HSF2BP: variants seen among roughly 807,000 people sequenced by gnomAD.
HSF2BP encodes the protein heat shock transcription factor 2 binding protein, also known as heat shock factor 2-binding protein.
Under a neutral mutation model 35.0 loss-of-function variants are expected in HSF2BP, and 35 were observed. The ratio of observed to expected loss-of-function variants is 1.00; its 90% CI spans 0.76 to 1.32. HSF2BP has a LOEUF of 1.32. Ranked by LOEUF, HSF2BP falls within the 40% of genes most tolerant of loss-of-function variation. HSF2BP has a pLI of 0.00. For missense variants in HSF2BP, 326 were observed against 321.7 expected, an observed-to-expected ratio of 1.01 and a Z score of -0.10; for synonymous variants, 114 against 117.4, an observed-to-expected ratio of 0.97 and a Z score of 0.18.
At chr21:43,620,112 C>T (rs1036420982) in intron 6 of HSF2BP, among the ~76,000 whole-genome samples, 1 of 152,140 alleles carries the variant, frequency 6.6e-6, no homozygotes, top group African/African-American at 2.4e-5. Context: ...TCTAAGTAAA[C>T]ATATCCAATA....
Position 43,633,259 on chromosome 21 carries a change from T to C in HSF2BP, c.441+13A>G. The C allele has an allele frequency of 6.2e-7, 1 of 1,607,274 alleles. No individual in the cohort carries two copies. The highest frequency in any genetic ancestry group is 8.5e-7 in the Non-Finnish European group (1 of 1,178,168). ...AATCAACAATATCTGGAGAGCCCAC[T>C]GACCATACTTACTCCTCCCAAAATG... On this transcript the variant is annotated intron_variant, in intron 5 of 8. Coordinates refer to ENST00000291560, the MANE Select transcript of HSF2BP (RefSeq NM_007031.2).
chr21:43,648,794 T>TA (rs1366175012), intron 3 of HSF2BP, among the ~76,000 whole-genome samples: 1 of 152,230 alleles, frequency 6.6e-6, no homozygotes, highest in Non-Finnish European at 1.5e-5. Context: ...AATCTCAAAA[T>TA]ATCCTACACT....
At chr21:43,578,098 C>T (rs183722932) in intron 8 of HSF2BP, among the ~76,000 whole-genome samples, 239 of 152,326 alleles carry the variant, frequency 1.6e-3, no homozygotes, top group Non-Finnish European at 2.9e-3. Flanking sequence ...GGTGGACTCT[C>T]TTCACACGAA....
intron 7 of HSF2BP, among the ~76,000 whole-genome samples, chr21:43,595,391 G>A (rs1054613424): frequency 6.6e-6 from 1 of 152,188 alleles, no homozygotes; most frequent in Admixed American, 6.5e-5. Flanking sequence ...GAGTGCAGTG[G>A]CTCAGGCTTA....
intron 3 of HSF2BP, among the ~76,000 whole-genome samples, chr21:43,653,161 C>G (rs553836209): frequency 8.2e-6 from 1 of 122,274 alleles, no homozygotes; most frequent in African/African-American, 3.1e-5. Flanking sequence ...AAGAGAGACA[C>G]AGAGAGAGAG....
At chr21:43,603,589 G>A (rs543680572) in intron 7 of HSF2BP, among the ~76,000 whole-genome samples, 2 of 152,282 alleles carry the variant, frequency 1.3e-5, no homozygotes, top group East Asian at 3.9e-4. Context: ...GATGGGAATG[G>A]GGAAAATTAC....
intron 6 of HSF2BP, among the ~76,000 whole-genome samples, chr21:43,615,800 C>A (rs1339794828): frequency 6.6e-6 from 1 of 152,016 alleles, no homozygotes; most frequent in East Asian, 1.9e-4. Flanking sequence ...GCATCAGAAA[C>A]ACATAAAAGA....
intron 4 of HSF2BP, among the ~76,000 whole-genome samples, chr21:43,640,587 T>A (rs1205580139): frequency 1.3e-5 from 2 of 152,126 alleles, no homozygotes; most frequent in African/African-American, 4.8e-5. Context: ...GAAGTCCAGG[T>A]GAAACTGGTG....
At chr21:43,583,742 CGAGGGAGATGAAGGGCCTGCT>C (rs1462341070) in intron 8 of HSF2BP, among the ~76,000 whole-genome samples, 7 of 111,852 alleles carry the variant, frequency 6.3e-5, no homozygotes, top group South Asian at 3.3e-4. Context: ...GAGGACCTGC[CGAGGGAGATGAAGGGCCTGCT>C]GAGGGAGATG....
chr21:43,652,503 T>C (rs916002848), intron 3 of HSF2BP, among the ~76,000 whole-genome samples: 2 of 151,436 alleles, frequency 1.3e-5, no homozygotes, highest in African/African-American at 4.9e-5. Context: ...GAAGAATCAG[T>C]ATGTCAAACG....
At chr21:43,581,247 G>A (rs567058375) in intron 8 of HSF2BP, among the ~76,000 whole-genome samples, 56 of 152,206 alleles carry the variant, frequency 3.7e-4, no homozygotes, top group Non-Finnish European at 6.8e-4. Context: ...TTAGCCGGGC[G>A]TGGTGGCAGG....
Position 43,656,623 on chromosome 21 carries a change from G to A in HSF2BP, c.151C>T (p.Leu51=), listed in dbSNP as rs765771884. 1.9e-6 allele frequency: 3 copies of A among 1,613,446 alleles called. No individual in the cohort carries two copies. The African/African-American group carries it at 4.0e-5, about 22-fold the overall frequency. Residue 51 remains leucine (L), a synonymous_variant, in exon 3 of 9, where the codon CTG becomes TTG. Coordinates refer to ENST00000291560, the MANE Select transcript of HSF2BP (RefSeq NM_007031.2). ...ATCTTTAATTTCTGGAAGCTCTCCAGCACCTCCCCATTTAGTATTCTGGGT... is the reference window on the plus strand; with the variant it reads ...ATCTTTAATTTCTGGAAGCTCTCCAACACCTCCCCATTTAGTATTCTGGGT... ...FLPRILNGEV[L]ESFQKLKIVE... is the part of the protein sequence containing the mutation.
At chr21:43,628,054 G>A (rs750676474) in intron 6 of HSF2BP, among the ~76,000 whole-genome samples, 42 of 152,152 alleles carry the variant, frequency 2.8e-4, no homozygotes, top group Admixed American at 7.9e-4. Flanking sequence ...GGCCATTCCC[G>A]TTTCTCTCCC....
At chr21:43,638,832 G>A (rs2082598947) in intron 4 of HSF2BP, among the ~76,000 whole-genome samples, 2 of 152,188 alleles carry the variant, frequency 1.3e-5, no homozygotes, top group Admixed American at 6.5e-5. Context: ...GAAAAGCAAA[G>A]AAGCTAGAAT....
At chr21:43,647,363 A>C (rs932024121) in intron 3 of HSF2BP, among the ~76,000 whole-genome samples, 1 of 152,006 alleles carries the variant, frequency 6.6e-6, no homozygotes, top group Non-Finnish European at 1.5e-5. Flanking sequence ...AGTAGCTGGG[A>C]CTACAGGCGC....
At chr21:43,612,392 C>T (rs1205397536) in intron 7 of HSF2BP, among the ~76,000 whole-genome samples, 1 of 152,194 alleles carries the variant, frequency 6.6e-6, no homozygotes, top group Non-Finnish European at 1.5e-5. Context: ...GGGCTCACGC[C>T]TGTAATCCCA....
At chr21:43,584,752 G>A (rs187975223) in intron 8 of HSF2BP, among the ~76,000 whole-genome samples, 38 of 152,202 alleles carry the variant, frequency 2.5e-4, no homozygotes, top group African/African-American at 8.2e-4. Flanking sequence ...AAAAACTTTC[G>A]GATTAAGCGA....
chr21:43,627,640 G>A (rs1013271303), intron 6 of HSF2BP, among the ~76,000 whole-genome samples: 28 of 152,176 alleles, frequency 1.8e-4, no homozygotes, highest in African/African-American at 6.8e-4. Context: ...ACTCCTGAGA[G>A]ATGTTTACAC....
chr21:43,630,391 C>CT lies in HSF2BP; in HGVS notation c.504dup (p.Asp169ArgfsTer3). On this transcript the variant is annotated frameshift_variant, in exon 6 of 9. Coordinates refer to ENST00000291560, the MANE Select transcript of HSF2BP (RefSeq NM_007031.2). LOFTEE classifies it high-confidence loss of function. ...GAATCCAGCTCCTGGACATCACCGT[C>CT]TAACGACTTCACAAAACTCTCCATT... The CT allele has an allele frequency of 6.8e-6, 11 of 1,613,800 alleles. No homozygotes were observed. Among genetic ancestry groups the CT allele is most frequent in the Non-Finnish European group, 9.3e-6 (11 of 1,179,916 alleles).
Sources: allele counts gnomAD v4.1 joint callset (sites outside exome capture counted in the v4.1 genomes callset), GRCh38; gene constraint gnomAD v4.1.1; transcripts MANE v1.5; gene names NCBI Gene and HGNC (gene_info 2026-07-23, HGNC 2026-07-21).